PRKG1: variants seen among roughly 807,000 people sequenced by gnomAD.
PRKG1 encodes protein kinase cGMP-dependent 1, also known as cGMP-dependent protein kinase 1.
A neutral mutation model predicts 88.1 loss-of-function variants in PRKG1; 35 were observed. That is an observed-to-expected ratio of 0.40 (90% CI 0.30 to 0.53). The LOEUF is 0.53. PRKG1 is among the 20% of genes least tolerant of loss of function. PRKG1 has a pLI of 0.59. For synonymous variants in PRKG1, 303 were observed against 292.5 expected (o/e 1.04, Z -0.37); for missense variants, 540 against 839.8 (o/e 0.64, Z 4.41).
chr10:51,163,500 C>CT (rs1846422563), intron 2 of PRKG1, among the ~76,000 whole-genome samples: 2 of 152,144 alleles, frequency 1.3e-5, no homozygotes, highest in Non-Finnish European at 2.9e-5. Flanking sequence ...ATCTGAGGTA[C>CT]CGGGTTCATC....
intron 5 of PRKG1, among the ~76,000 whole-genome samples, chr10:51,922,846 C>A (rs1235486535): frequency 6.6e-6 from 1 of 151,772 alleles, no homozygotes; most frequent in East Asian, 1.9e-4. Context: ...TCCATGTAAA[C>A]CTGAATAAAA....
intron 9 of PRKG1, among the ~76,000 whole-genome samples, chr10:52,227,506 T>A (rs1300265267): frequency 6.6e-6 from 1 of 152,112 alleles, no homozygotes; most frequent in Non-Finnish European, 1.5e-5. Flanking sequence ...TTATAAGTAA[T>A]CTAGAGATAA....
chr10:51,703,705 A>G (rs1188010529), intron 3 of PRKG1, among the ~76,000 whole-genome samples: 1 of 152,232 alleles, frequency 6.6e-6, no homozygotes, highest in Non-Finnish European at 1.5e-5. Context: ...TGGCATCAGC[A>G]TCACCAGGAA....
chr10:52,247,623 T>C (rs1359055804), intron 9 of PRKG1, among the ~76,000 whole-genome samples: 1 of 152,210 alleles, frequency 6.6e-6, no homozygotes, highest in African/African-American at 2.4e-5. Context: ...CTCCCAGTTA[T>C]GGCAAGAAAC....
intron 3 of PRKG1, among the ~76,000 whole-genome samples, chr10:51,635,553 T>C (rs1369114366): frequency 6.6e-6 from 1 of 152,158 alleles, no homozygotes; most frequent in African/African-American, 2.4e-5. Flanking sequence ...CTTTTGACCA[T>C]ACTTGGGTGT....
chr10:51,168,943 T>A (rs908480624), intron 2 of PRKG1, among the ~76,000 whole-genome samples: 11 of 152,316 alleles, frequency 7.2e-5, no homozygotes, highest in South Asian at 2.1e-4. Context: ...GGGTTCTGTT[T>A]GTACACTTTC....
intron 5 of PRKG1, among the ~76,000 whole-genome samples, chr10:51,993,002 C>A (rs1040712001): frequency 2.0e-5 from 3 of 152,016 alleles, no homozygotes; most frequent in South Asian, 4.1e-4. Context: ...TTCTTACTCA[C>A]GGAAGGAGAG....
intron 8 of PRKG1, among the ~76,000 whole-genome samples, chr10:52,134,308 T>C (rs1837345566): frequency 1.3e-5 from 2 of 152,156 alleles, no homozygotes; most frequent in African/African-American, 4.8e-5. Context: ...AATGGGTTAT[T>C]TTTTTAGTAG....
intron 2 of PRKG1, among the ~76,000 whole-genome samples, chr10:51,209,852 C>A (rs1294897910): frequency 6.6e-6 from 1 of 152,120 alleles, no homozygotes. Context: ...TATTCAGGCA[C>A]AATTTTCATT....
chr10:51,554,078 G>A (rs565086771), intron 3 of PRKG1, among the ~76,000 whole-genome samples: 9 of 131,622 alleles, frequency 6.8e-5, no homozygotes, highest in South Asian at 4.6e-4. Context: ...TTATATGTGC[G>A]TATGTGATAC....
chr10:51,740,812 A>G (rs146717408), intron 3 of PRKG1, among the ~76,000 whole-genome samples: 1 of 152,124 alleles, frequency 6.6e-6, no homozygotes, highest in African/African-American at 2.4e-5. Flanking sequence ...CTACACAGCT[A>G]TCTCCATTCC....
intron 2 of PRKG1, among the ~76,000 whole-genome samples, chr10:51,450,483 T>C (rs984471300): frequency 2.0e-5 from 3 of 151,918 alleles, no homozygotes; most frequent in Admixed American, 2.0e-4. Context: ...AGCTGGCAAG[T>C]AATGAGATGG....
chr10:52,038,833 G>T (rs1275732930), intron 5 of PRKG1, among the ~76,000 whole-genome samples: 1 of 152,130 alleles, frequency 6.6e-6, no homozygotes, highest in African/African-American at 2.4e-5. Context: ...ATAAAAACAT[G>T]TCTCCTTTGT....
chr10:52,293,963 CA>C lies in PRKG1; in HGVS notation c.*66del. The C allele has an allele frequency of 1.5e-6, 2 of 1,374,530 alleles. No individual in the cohort carries two copies. Among genetic ancestry groups the C allele is most frequent in the Non-Finnish European group, 2.1e-6 (2 of 970,824 alleles). 85.1% of individuals were successfully genotyped at this position (1,374,530 alleles called of 1,614,324 possible). On this transcript the variant is annotated 3_prime_UTR_variant, in exon 18 of 18. Coordinates refer to ENST00000373980, the MANE Select transcript of PRKG1 (RefSeq NM_006258.4). ...GCTTTTTCTGAGACACAGCTGCCAGCAAACCTGAGGGAAAGAGAGAAGATTA... is the reference window on the plus strand; with the variant it reads ...GCTTTTTCTGAGACACAGCTGCCAGCAACCTGAGGGAAAGAGAGAAGATTA...
At chr10:51,281,574 G>A (rs1238322658) in intron 2 of PRKG1, among the ~76,000 whole-genome samples, 3 of 152,164 alleles carry the variant, frequency 2.0e-5, no homozygotes, top group Non-Finnish European at 4.4e-5. Context: ...ACTGGGTGGA[G>A]CCCACTGCAG....
At chr10:51,776,064 A>G (rs914067157) in intron 3 of PRKG1, among the ~76,000 whole-genome samples, 6 of 152,186 alleles carry the variant, frequency 3.9e-5, no homozygotes, top group Non-Finnish European at 8.8e-5. Context: ...CACTGAAACA[A>G]AAAGAAAATA....
chr10:51,611,431 A>C (rs1455642480), intron 3 of PRKG1, among the ~76,000 whole-genome samples: 2 of 151,768 alleles, frequency 1.3e-5, no homozygotes, highest in Non-Finnish European at 2.9e-5. Context: ...TTCTTTTGAG[A>C]AATATCTATT....
chr10:51,796,574 C>T (rs1261243737), intron 3 of PRKG1, among the ~76,000 whole-genome samples: 3 of 151,962 alleles, frequency 2.0e-5, no homozygotes, highest in Non-Finnish European at 4.4e-5. Context: ...AAAAGTTTAG[C>T]ACAGAAGGGT....
chr10:51,576,878 A>T (rs1339458180), intron 3 of PRKG1, among the ~76,000 whole-genome samples: 2 of 151,948 alleles, frequency 1.3e-5, no homozygotes, highest in Non-Finnish European at 2.9e-5. Context: ...GTGCTTTTAA[A>T]TAGCCTTATG....
Sources: gnomAD v4.1 joint callset for allele counts (sites outside exome capture counted in the v4.1 genomes callset) on GRCh38, gnomAD v4.1.1 for gene constraint, MANE v1.5 for transcripts, NCBI Gene and HGNC (gene_info 2026-07-23, HGNC 2026-07-21) for gene names.